LPIN2: variants seen among roughly 807,000 people sequenced by gnomAD.
The protein encoded by LPIN2 is phosphatidate phosphatase LPIN2.
LPIN2 carries 55 observed loss-of-function variants against 111.4 expected under a neutral mutation model. The ratio of observed to expected loss-of-function variants is 0.49; its 90% CI spans 0.40 to 0.62. LPIN2 has a LOEUF of 0.62. Ranked by LOEUF, LPIN2 falls within the 20% of genes least tolerant of loss-of-function variation. The pLI, the probability that LPIN2 is intolerant of heterozygous loss-of-function variation, is 0.00. For synonymous variants in LPIN2, 425 were observed against 414.0 expected, an observed-to-expected ratio of 1.03 and a Z score of -0.32; for missense variants, 992 against 1,112.1, an observed-to-expected ratio of 0.89 and a Z score of 1.54.
intron 1 of LPIN2, among the ~76,000 whole-genome samples, chr18:3,012,401 T>C (rs1348647996): frequency 1.3e-5 from 2 of 152,166 alleles, no homozygotes; most frequent in Non-Finnish European, 2.9e-5. Context: ...GTGGAGAAAA[T>C]GGTGATCCGC....
Position 2,931,369 on chromosome 18 carries a change from C to G in LPIN2, c.1343G>C (p.Gly448Ala), listed in dbSNP as rs760625252. Residue 448 changes from glycine to alanine, a missense_variant, in exon 9 of 20, where the codon GGA (glycine) becomes GCA (alanine). Physicochemically the swap from Gly to Ala is moderately conservative, Grantham distance 60. Transcript: ENST00000677752. ...GGTGCCGCTATCTGCAGCTGCGCTTCCCACGGACTGTGGGGACTGGGAGCC... is the reference window on the plus strand; with the variant it reads ...GGTGCCGCTATCTGCAGCTGCGCTTGCCACGGACTGTGGGGACTGGGAGCC... ...LSGSQSPQSVGSAAADSGTEC... is the reference protein window; with the variant it reads ...LSGSQSPQSVASAAADSGTEC... 1.2e-6 allele frequency: 2 copies of G among 1,613,218 alleles called. No homozygotes were observed. Among genetic ancestry groups the G allele is most frequent in the Non-Finnish European group, 1.7e-6 (2 of 1,179,640 alleles).
intron 10 of LPIN2, among the ~76,000 whole-genome samples, 196 bp downstream of exon 10, chr18:2,928,865 TCAAA>T (rs1244066994): frequency 6.6e-6 from 1 of 152,226 alleles, no homozygotes; most frequent in African/African-American, 2.4e-5. Context: ...GTAAAATCTA[TCAAA>T]CAGAGTAACA....
chr18:2,986,757 GAC>G, intron 1 of LPIN2, among the ~76,000 whole-genome samples: 1 of 152,308 alleles, frequency 6.6e-6, no homozygotes, highest in Non-Finnish European at 1.5e-5. Context: ...AGACAAGAGA[GAC>G]AATACTGAGA....
rs1232765392 is a variant in LPIN2 at position 2,920,399 on chromosome 18, G to A, written c.2585C>T (p.Pro862Leu). 1.2e-6 allele frequency: 2 copies of A among 1,613,836 alleles called. No homozygotes were observed. Among genetic ancestry groups the A allele is most frequent in the East Asian group, 2.2e-5 (1 of 44,900 alleles). ...RLSELVEHVFPLLSKEQNSAF... is the reference protein window; with the variant it reads ...RLSELVEHVFLLLSKEQNSAF... ...GGAATTCTGCTCCTTACTGAGAAGGGGGAACACATGCTCCACGAGCTCACT... is the reference window on the plus strand; with the variant it reads ...GGAATTCTGCTCCTTACTGAGAAGGAGGAACACATGCTCCACGAGCTCACT... The change falls in exon 20 of 20, where the codon CCC (proline) becomes CTC (leucine). Residue 862 changes from proline to leucine, a missense_variant. Pro to Leu is a moderately conservative substitution (Grantham distance 98). Coordinates refer to ENST00000677752, the MANE Select transcript of LPIN2 (RefSeq NM_001375808.2).
chr18:2,924,565 A>C lies in LPIN2; in HGVS notation c.1939-19T>G. On this transcript the variant is annotated intron_variant, in intron 14 of 19. Transcript: ENST00000677752. ...GTTTTGCCTTTTAAAAAAGCATAAG[A>C]ATAAAGAAAATCAGCTGAAAACATA... is the stretch of plus-strand genomic sequence containing the variant. 1.9e-6 allele frequency: 3 copies of C among 1,613,460 alleles called. No individual in the cohort carries two copies. The highest frequency in any genetic ancestry group is 2.5e-6 in the Non-Finnish European group (3 of 1,179,350).
Position 2,922,142 on chromosome 18 carries a change from G to A in LPIN2, c.2232C>T (p.Thr744=). The A allele has an allele frequency of 6.2e-7, 1 of 1,614,042 alleles. No individual in the cohort carries two copies. Among genetic ancestry groups the A allele is most frequent in the Admixed American group, 1.7e-5 (1 of 60,034 alleles). ...CATTGACCCAGTGCAGGTAGCCACG[G>A]GTCATGTCGGCCATGCCGATGGCAC... ...SARAIGMADM[T]RGYLHWVNDK... is the part of the protein sequence containing the mutation. Residue 744 remains threonine, a synonymous_variant, in exon 17 of 20, where the codon ACC becomes ACT. Coordinates refer to ENST00000677752, the MANE Select transcript of LPIN2 (RefSeq NM_001375808.2).
intron 1 of LPIN2, among the ~76,000 whole-genome samples, chr18:2,980,686 T>C (rs899596593): frequency 6.6e-6 from 1 of 152,224 alleles, no homozygotes; most frequent in African/African-American, 2.4e-5. Context: ...TGGAGTCCCC[T>C]GAAGCTGGTG....
chr18:2,998,946 C>A (rs1191741611), intron 1 of LPIN2, among the ~76,000 whole-genome samples: 1 of 152,168 alleles, frequency 6.6e-6, no homozygotes, highest in African/African-American at 2.4e-5. Context: ...CAGGAACATG[C>A]AGAAATTTTG....
At chr18:2,975,403 C>G (rs1397406936) in intron 1 of LPIN2, among the ~76,000 whole-genome samples, 1 of 152,132 alleles carries the variant, frequency 6.6e-6, no homozygotes, top group African/African-American at 2.4e-5. Flanking sequence ...GGTGCAATCT[C>G]AGCTCACTGC....
intron 3 of LPIN2, among the ~76,000 whole-genome samples, chr18:2,953,314 T>C (rs909590043): frequency 6.6e-6 from 1 of 152,194 alleles, no homozygotes; most frequent in Admixed American, 6.5e-5. Context: ...AAGTTCAGTG[T>C]TATGAATTAT....
chr18:2,938,896 G>A (rs1316073627), intron 6 of LPIN2, among the ~76,000 whole-genome samples: 1 of 152,112 alleles, frequency 6.6e-6, no homozygotes, highest in African/African-American at 2.4e-5. Context: ...GCTCACGCCT[G>A]TAATCCCAGC....
intron 1 of LPIN2, among the ~76,000 whole-genome samples, chr18:2,989,786 G>A (rs1485037009): frequency 1.3e-5 from 2 of 152,044 alleles, no homozygotes; most frequent in African/African-American, 4.8e-5. Context: ...GCAGGTGTGT[G>A]GCAGGCTCCT....
chr18:2,953,810 G>A (rs68010943), intron 3 of LPIN2, among the ~76,000 whole-genome samples: 17,887 of 152,046 alleles, frequency 0.12, 1,624 homozygotes, highest in East Asian at 0.46. Context: ...CGTGATCTGA[G>A]TTCTTTAGTG....
chr18:2,920,766 G>A lies in LPIN2; in HGVS notation c.2546+12C>T. 1 of 1,605,148 alleles carries A rather than the reference G, an allele frequency of 6.2e-7. No homozygotes were observed. The highest frequency in any genetic ancestry group is 8.5e-7 in the Non-Finnish European group (1 of 1,171,806). ...TGCAGGGCGCCGGGCTGAGAGCTGAGAATGTACTTACGATGACTTGTTTCC... is the reference window on the plus strand; with the variant it reads ...TGCAGGGCGCCGGGCTGAGAGCTGAAAATGTACTTACGATGACTTGTTTCC... On this transcript the variant is annotated intron_variant, in intron 19 of 19. Coordinates refer to ENST00000677752, the MANE Select transcript of LPIN2 (RefSeq NM_001375808.2).
chr18:3,011,412 C>T (rs558647095), intron 1 of LPIN2, among the ~76,000 whole-genome samples: 2 of 151,514 alleles, frequency 1.3e-5, no homozygotes, highest in Non-Finnish European at 2.9e-5. Context: ...CTGGCTGGGG[C>T]GGTTGCTCAC....
intron 6 of LPIN2, 27 bp from the exon 7 acceptor site, chr18:2,938,064 T>C (rs539691554): frequency 6.5e-7 from 1 of 1,536,870 alleles, no homozygotes; most frequent in East Asian, 2.2e-5. Context: ...GTTTAAAAAT[T>C]AAACTACTTT....
chr18:2,959,734 G>C (rs984208140), intron 2 of LPIN2, among the ~76,000 whole-genome samples: 1 of 152,198 alleles, frequency 6.6e-6, no homozygotes, highest in Non-Finnish European at 1.5e-5. Context: ...AAGTCAACCA[G>C]CCTATGGTCT....
rs749186650 is a variant in LPIN2, at chr18:2,926,798, T to C, written c.1718A>G (p.Glu573Gly). ...TGCCTCAGATTTTCCCTCCTTGGAT[T>C]CTGGCAGCTGTAACAGCAAGATGAT... ...KRESMTKQLPESKEGKSEAPP... is the reference protein window; with the variant it reads ...KRESMTKQLPGSKEGKSEAPP... The change falls in exon 13 of 20, where the codon GAA (glutamate) becomes GGA (glycine). Residue 573 changes from glutamate (E) to glycine (G), a missense_variant. By Grantham distance (98) the Glu-to-Gly change is moderately conservative. Transcript: ENST00000677752. 6.2e-7 allele frequency: 1 copy of C among 1,613,820 alleles called. No individual in the cohort carries two copies. Among genetic ancestry groups the C allele is most frequent in the Non-Finnish European group, 8.5e-7 (1 of 1,179,970 alleles).
chr18:3,001,252 G>T, intron 1 of LPIN2, among the ~76,000 whole-genome samples: 1 of 152,166 alleles, frequency 6.6e-6, no homozygotes, highest in East Asian at 1.9e-4. Context: ...TGTAATCCAG[G>T]ACTCAGAATC....
Sources: allele counts gnomAD v4.1 joint callset (sites outside exome capture counted in the v4.1 genomes callset), GRCh38; gene constraint gnomAD v4.1.1; transcripts MANE v1.5; gene names NCBI Gene and HGNC (gene_info 2026-07-23, HGNC 2026-07-21).